GRXCR1: variants seen among roughly 807,000 people sequenced by gnomAD.
GRXCR1 encodes glutaredoxin domain-containing cysteine-rich protein 1.
GRXCR1 carries 27 observed loss-of-function variants against 27.3 expected under a neutral mutation model. That is an observed-to-expected ratio of 0.99 (90% CI 0.73 to 1.37). GRXCR1 has a LOEUF of 1.37. Ranked by LOEUF, GRXCR1 falls within the 40% of genes most tolerant of loss-of-function variation. The pLI is 0.00. For missense variants in GRXCR1, 379 were observed against 354.4 expected, an observed-to-expected ratio of 1.07 and a Z score of -0.56; for synonymous variants, 122 against 131.1, an observed-to-expected ratio of 0.93 and a Z score of 0.47.
intron 1 of GRXCR1, among the ~76,000 whole-genome samples, chr4:42,911,688 AC>A (rs2109745202): frequency 6.6e-6 from 1 of 152,210 alleles, no homozygotes; most frequent in South Asian, 2.1e-4. Flanking sequence ...TAGATCATGT[AC>A]ACCCATTAGC....
chr4:43,021,349 C>A (rs1366538063), intron 3 of GRXCR1, among the ~76,000 whole-genome samples: 1 of 152,146 alleles, frequency 6.6e-6, no homozygotes, highest in Non-Finnish European at 1.5e-5. Context: ...CATTTCTGAT[C>A]TCCCCTGCCT....
chr4:42,934,180 A>C (rs10026293), intron 1 of GRXCR1, among the ~76,000 whole-genome samples: 1 of 151,376 alleles, frequency 6.6e-6, no homozygotes, highest in African/African-American at 2.4e-5. Context: ...AACTGAAAAC[A>C]TAAGTTTTGT....
At chr4:42,929,326 C>A (rs1747246944) in intron 1 of GRXCR1, among the ~76,000 whole-genome samples, 1 of 151,972 alleles carries the variant, frequency 6.6e-6, no homozygotes, top group Non-Finnish European at 1.5e-5. Context: ...GCACAGTGGC[C>A]TATAATAGCC....
intron 2 of GRXCR1, among the ~76,000 whole-genome samples, chr4:42,991,350 AT>A (rs1423418667): frequency 6.6e-6 from 1 of 151,568 alleles, no homozygotes; most frequent in Non-Finnish European, 1.5e-5. Flanking sequence ...CTTAAACAAA[AT>A]TTTTTTCTTA....
Position 42,893,635 on chromosome 4 carries a change from G to T in GRXCR1, c.369G>T (p.Leu123Phe). 6.2e-7 allele frequency: 1 copy of T among 1,613,250 alleles called. No homozygotes were observed. Among genetic ancestry groups the T allele is most frequent in the South Asian group, 1.1e-5 (1 of 91,042 alleles). Residue 123 changes from leucine to phenylalanine, a missense_variant, in exon 1 of 4, where the codon TTG (leucine) becomes TTT (phenylalanine). Coordinates refer to ENST00000399770, the MANE Select transcript of GRXCR1 (RefSeq NM_001080476.3). ...CTGGCCAGGCTCTATTTAACAATTTGACCAAAGTATTACAGGTAAGTCATT... is the reference window on the plus strand; with the variant it reads ...CTGGCCAGGCTCTATTTAACAATTTTACCAAAGTATTACAGGTAAGTCATT... The part of the protein sequence containing the change: ...VSAGQALFNN[L>F]TKVLQQPSTD...
intron 2 of GRXCR1, among the ~76,000 whole-genome samples, chr4:42,982,440 TA>T (rs1234578808): frequency 8.1e-6 from 1 of 122,706 alleles, no homozygotes; most frequent in Admixed American, 8.9e-5. Flanking sequence ...CACATTTTCT[TA>T]ATCCAGTCTA....
chr4:43,026,431 G>T (rs1328520489), intron 3 of GRXCR1, among the ~76,000 whole-genome samples: 1 of 148,870 alleles, frequency 6.7e-6, no homozygotes, highest in Non-Finnish European at 1.5e-5. Context: ...ATTCCTGGGT[G>T]CTGAGGGGGC....
intron 1 of GRXCR1, among the ~76,000 whole-genome samples, chr4:42,922,693 G>T (rs1747044029): frequency 1.3e-5 from 2 of 152,088 alleles, no homozygotes; most frequent in Admixed American, 1.3e-4. Flanking sequence ...GTGAGATCCT[G>T]AGGCCTCCTT....
intron 2 of GRXCR1, among the ~76,000 whole-genome samples, chr4:43,017,162 G>C (rs1376050516): frequency 6.6e-6 from 1 of 152,166 alleles, no homozygotes. Context: ...AGCTTCTCTG[G>C]CATGTTCATT....
intron 2 of GRXCR1, among the ~76,000 whole-genome samples, chr4:42,972,986 C>T (rs1450627175): frequency 6.6e-6 from 1 of 152,036 alleles, no homozygotes; most frequent in Non-Finnish European, 1.5e-5. Context: ...ATTTGTTCCC[C>T]TATTGAACTT....
intron 1 of GRXCR1, among the ~76,000 whole-genome samples, chr4:42,940,440 A>G (rs1467968477): frequency 5.3e-5 from 8 of 152,054 alleles, no homozygotes; most frequent in African/African-American, 2.4e-5. Flanking sequence ...AGTATTGTCT[A>G]GTTTTATCTT....
rs577071018 is a variant in GRXCR1 at position 42,948,536 on chromosome 4, T to A, written c.385-14356T>A. 2.6e-5 allele frequency among the ~76,000 whole-genome samples: 4 copies of A among 152,250 alleles called. No homozygotes were observed. In the South Asian group the frequency reaches 8.3e-4, roughly 32 times the overall value. Reference sequence around the variant, plus strand: ...AGATGTAGTCCAATAAGCCCTTTAGTCTTATGCCTATAACTTGGTATTTAA... The same window carrying A: ...AGATGTAGTCCAATAAGCCCTTTAGACTTATGCCTATAACTTGGTATTTAA... On this transcript the variant is annotated intron_variant, in intron 1 of 3. Transcript: ENST00000399770.
At chr4:42,940,043 G>C (rs1156849918) in intron 1 of GRXCR1, among the ~76,000 whole-genome samples, 3 of 151,914 alleles carry the variant, frequency 2.0e-5, no homozygotes, top group Non-Finnish European at 4.4e-5. Context: ...CGGTGGTGGA[G>C]ACGGCTCTGG....
intron 2 of GRXCR1, among the ~76,000 whole-genome samples, chr4:43,011,034 A>G (rs1360549032): frequency 6.6e-6 from 1 of 152,168 alleles, no homozygotes; most frequent in African/African-American, 2.4e-5. Context: ...CACGATGTCA[A>G]ACCTGAATGT....
chr4:42,900,321 T>G (rs2109737519), intron 1 of GRXCR1, among the ~76,000 whole-genome samples: 1 of 152,302 alleles, frequency 6.6e-6, no homozygotes, highest in South Asian at 2.1e-4. Flanking sequence ...TTGAGACATC[T>G]TTGCTCAATT....
At chr4:43,010,701 T>A (rs1020860447) in intron 2 of GRXCR1, among the ~76,000 whole-genome samples, 1 of 151,902 alleles carries the variant, frequency 6.6e-6, no homozygotes, top group South Asian at 2.1e-4. Context: ...TTTTAAGAGA[T>A]CACGTAAAAA....
intron 1 of GRXCR1, among the ~76,000 whole-genome samples, chr4:42,939,219 C>T (rs1747540210): frequency 6.6e-6 from 1 of 151,862 alleles, no homozygotes; most frequent in Non-Finnish European, 1.5e-5. Flanking sequence ...AGATCTTTCA[C>T]TTTTTTGGTT....
chr4:42,975,147 T>C (rs1029163361), intron 2 of GRXCR1, among the ~76,000 whole-genome samples: 2 of 152,124 alleles, frequency 1.3e-5, no homozygotes, highest in African/African-American at 4.8e-5. Flanking sequence ...CAGGCATTCA[T>C]TAATCCATAA....
chr4:42,958,382 T>G (rs2109772707), intron 1 of GRXCR1, among the ~76,000 whole-genome samples: 1 of 152,088 alleles, frequency 6.6e-6, no homozygotes, highest in East Asian at 1.9e-4. Flanking sequence ...AGAATGAAAT[T>G]GGACCCTTAT....
Sources: gnomAD v4.1 joint callset for allele counts (sites outside exome capture counted in the v4.1 genomes callset) on GRCh38, gnomAD v4.1.1 for gene constraint, MANE v1.5 for transcripts, NCBI Gene and HGNC (gene_info 2026-07-23, HGNC 2026-07-21) for gene names.